The following PRKG1 variants were observed in gnomAD, a reference collection of about 807,000 sequenced individuals.
PRKG1 encodes cGMP-dependent protein kinase 1.
In PRKG1, 35 loss-of-function variants were observed where a neutral mutation model predicts 88.1. The observed-to-expected ratio is 0.40, with a 90% CI of 0.30 to 0.53. The LOEUF is 0.53. Among genes scored for constraint, PRKG1 ranks in the 20% least tolerant of loss-of-function variants. The pLI, the probability that PRKG1 is intolerant of heterozygous loss-of-function variation, is 0.59. For missense variants in PRKG1, 540 were observed against 839.8 expected, an observed-to-expected ratio of 0.64 and a Z score of 4.41; for synonymous variants, 303 against 292.5, an observed-to-expected ratio of 1.04 and a Z score of -0.37.
In PRKG1 at chr10:52,266,426, T is replaced by C. The variant is rs562748461; in HGVS notation, c.1174-4924T>C. 2.6e-3 allele frequency among the ~76,000 whole-genome samples: 390 copies of C among 152,010 alleles called. 2 individuals are homozygous for C. The highest frequency in any genetic ancestry group is 9.0e-3 in the African/African-American group (373 of 41,482). Reference sequence around the variant, plus strand: ...TGTTGTTCCTCCCCCTGTGTCCATGTGCTCACATTATTCAGCTCCCACTTA... The same window carrying C: ...TGTTGTTCCTCCCCCTGTGTCCATGCGCTCACATTATTCAGCTCCCACTTA... On this transcript the variant is annotated intron_variant, in intron 10 of 17. Coordinates refer to ENST00000373980, the MANE Select transcript of PRKG1 (RefSeq NM_006258.4).
At chr10:50,999,729 G>A (rs1322151965) in intron 1 of PRKG1, among the ~76,000 whole-genome samples, 2 of 152,142 alleles carry the variant, frequency 1.3e-5, no homozygotes, top group African/African-American at 4.8e-5. Context: ...TATTTTTCTT[G>A]ATGCTTCTCA....
chr10:51,077,467 T>C (rs1170614252), intron 1 of PRKG1, among the ~76,000 whole-genome samples: 1 of 152,264 alleles, frequency 6.6e-6, no homozygotes, highest in African/African-American at 2.4e-5. Flanking sequence ...TTATCTGATA[T>C]ATGCAAATAT....
intron 2 of PRKG1, among the ~76,000 whole-genome samples, chr10:51,335,329 A>G (rs752141679): frequency 6.6e-6 from 1 of 152,046 alleles, no homozygotes; most frequent in Non-Finnish European, 1.5e-5. Context: ...CCATCTTTGT[A>G]TATTTTAGTT....
At chr10:51,016,673 C>CTTTTTTTTTTTTTTTTTTTTT in intron 1 of PRKG1, among the ~76,000 whole-genome samples, 579 of 35,150 alleles carry the variant, frequency 0.016, 175 homozygotes, top group Middle Eastern at 0.071. Context: ...ATTATCCTTT[C>CTTTTTTTTTTTTTTTTTTTTT]TTTTTTTTTT....
At chr10:52,236,235 C>T (rs1194523) in intron 9 of PRKG1, among the ~76,000 whole-genome samples, 11,284 of 63,022 alleles carry the variant, frequency 0.18, 1,037 homozygotes, top group Admixed American at 0.23. Context: ...AAATTGACAC[C>T]CTAACATCAC....
At chr10:52,086,501 T>A (rs1846918624) in intron 7 of PRKG1, among the ~76,000 whole-genome samples, 1 of 151,506 alleles carries the variant, frequency 6.6e-6, no homozygotes, top group Admixed American at 6.6e-5. Flanking sequence ...GCTTCCCAGA[T>A]TGAAGCAATT....
At position 52,183,859 on chromosome 10, in the gene PRKG1, G is replaced by A. The variant is rs181953812; in HGVS notation, c.1076+21896G>A. Among the ~76,000 whole-genome samples, 9 of 152,310 alleles carry A rather than the reference G, an allele frequency of 5.9e-5. No homozygotes were observed. In the East Asian group the frequency reaches 1.7e-3, roughly 29 times the overall value. On this transcript the variant is annotated intron_variant, in intron 9 of 17. Transcript: ENST00000373980. ...GAGCTCTGGGCTTGCAATGACTATG[G>A]GATTCTCTGTAATATGAATTATCCT...
chr10:51,422,863 A>C (rs910742795), intron 2 of PRKG1, among the ~76,000 whole-genome samples: 1 of 152,122 alleles, frequency 6.6e-6, no homozygotes. Flanking sequence ...AATTTACTTA[A>C]AGGAATTATT....
chr10:51,013,353 G>A (rs1169662571), intron 1 of PRKG1, among the ~76,000 whole-genome samples: 2 of 152,100 alleles, frequency 1.3e-5, no homozygotes, highest in Non-Finnish European at 2.9e-5. Flanking sequence ...TTAAAAAGAA[G>A]GCAAAGCCAT....
intron 12 of PRKG1, among the ~76,000 whole-genome samples, chr10:52,277,683 T>G (rs1841905786): frequency 6.6e-6 from 1 of 152,164 alleles, no homozygotes. Flanking sequence ...GGGTCCATAT[T>G]CTAACATATA....
intron 5 of PRKG1, among the ~76,000 whole-genome samples, chr10:51,923,636 A>G (rs1359134626): frequency 6.6e-6 from 1 of 151,468 alleles, no homozygotes; most frequent in Non-Finnish European, 1.5e-5. Context: ...ACATCACTTC[A>G]CAGATAGCAT....
chr10:52,091,244 C>A (rs1847049734), intron 7 of PRKG1, among the ~76,000 whole-genome samples: 1 of 152,216 alleles, frequency 6.6e-6, no homozygotes, highest in African/African-American at 2.4e-5. Flanking sequence ...CTTCCTCCAT[C>A]TTTAAGCTAG....
At chr10:51,641,480 G>A (rs1233583360) in intron 3 of PRKG1, among the ~76,000 whole-genome samples, 2 of 152,086 alleles carry the variant, frequency 1.3e-5, no homozygotes, top group South Asian at 2.1e-4. Context: ...ATTTCTGCTG[G>A]AGTCTGTGCT....
intron 5 of PRKG1, among the ~76,000 whole-genome samples, chr10:51,967,555 A>AT (rs1247245210): frequency 6.7e-6 from 1 of 149,018 alleles, no homozygotes; most frequent in African/African-American, 2.5e-5. Flanking sequence ...AACCTAAAGT[A>AT]TAAAAAAAAA....
At chr10:51,995,076 TA>T (rs34466622) in intron 5 of PRKG1, among the ~76,000 whole-genome samples, 30,030 of 152,092 alleles carry the variant, frequency 0.2, 3,796 homozygotes, top group Non-Finnish European at 0.28. Context: ...AGAGGTTAAA[TA>T]ACTTGCTTAT....
chr10:51,482,588 T>C (rs1360371316), intron 3 of PRKG1, among the ~76,000 whole-genome samples: 1 of 152,222 alleles, frequency 6.6e-6, no homozygotes, highest in African/African-American at 2.4e-5. Context: ...ACATGGATAC[T>C]GACTTAATCC....
At chr10:51,664,644 A>T (rs746974700) in intron 3 of PRKG1, among the ~76,000 whole-genome samples, 21 of 152,148 alleles carry the variant, frequency 1.4e-4, no homozygotes, top group Non-Finnish European at 2.4e-4. Context: ...GGCGAATAAG[A>T]TACCCTCTTT....
chr10:52,093,075 T>A (rs975776169), intron 7 of PRKG1, among the ~76,000 whole-genome samples: 3 of 152,164 alleles, frequency 2.0e-5, no homozygotes, highest in South Asian at 4.1e-4. Context: ...TAGTACCCCA[T>A]GAAATGTGAT....
intron 3 of PRKG1, among the ~76,000 whole-genome samples, chr10:51,801,514 C>T (rs547220456): frequency 2.6e-5 from 4 of 151,994 alleles, no homozygotes; most frequent in Non-Finnish European, 5.9e-5. Flanking sequence ...TTTTCTATCC[C>T]GTAGATCTAG....
Sources: allele counts gnomAD v4.1 joint callset (sites outside exome capture counted in the v4.1 genomes callset), GRCh38; gene constraint gnomAD v4.1.1; transcripts MANE v1.5; gene names NCBI Gene and HGNC (gene_info 2026-07-23, HGNC 2026-07-21).